PUM3: variants seen among roughly 807,000 people sequenced by gnomAD.
PUM3 encodes the protein pumilio RNA binding family member 3.
PUM3 carries 91 observed loss-of-function variants against 84.0 expected under a neutral mutation model. The ratio of observed to expected loss-of-function variants is 1.08; its 90% confidence interval spans 0.91 to 1.29. The LOEUF (loss-of-function observed/expected upper bound fraction) is 1.29. Ranked by LOEUF, PUM3 falls within the 50% of genes most tolerant of loss-of-function variation. The probability of loss-of-function intolerance (pLI) is 0.00; values close to 1 mark genes in which losing one functional copy is unlikely to be tolerated. For synonymous variants in PUM3, 321 were observed against 266.7 expected, an observed-to-expected ratio of 1.20 and a Z score of -1.98; for missense variants, 1,067 against 767.5, an observed-to-expected ratio of 1.39 and a Z score of -4.61.
rs539334786 is a variant in PUM3, at chr9:2,809,523, C to G, written c.1723+821G>C. Among the ~76,000 whole-genome samples, 5 of 152,260 alleles carry G rather than the reference C, an allele frequency of 3.3e-5. No homozygotes were observed. The South Asian group carries it at 1.0e-3, about 32-fold the overall frequency. ...TTCTTAAAGGTAAGGTGAGAAGTGA[C>G]AGCTCTACTGCTATACTGATTGCCA... On this transcript the variant is annotated intron_variant, in intron 16 of 17. Coordinates refer to ENST00000397885, the MANE Select transcript of PUM3 (RefSeq NM_014878.5).
At chr9:2,827,684 G>T (rs188489767) in intron 9 of PUM3, among the ~76,000 whole-genome samples, 1 of 152,178 alleles carries the variant, frequency 6.6e-6, no homozygotes. Flanking sequence ...GGAGGCCGAT[G>T]GTCAGGCATA....
intron 16 of PUM3, among the ~76,000 whole-genome samples, chr9:2,809,131 C>G (rs1563824863): frequency 6.6e-6 from 1 of 152,154 alleles, no homozygotes; most frequent in Non-Finnish European, 1.5e-5. Context: ...CATAGAGGGG[C>G]AGGCTCCACC....
chr9:2,823,520 C>T (rs903887990), intron 12 of PUM3, among the ~76,000 whole-genome samples: 1 of 151,900 alleles, frequency 6.6e-6, no homozygotes, highest in African/African-American at 2.4e-5. Context: ...TAGTAAATAT[C>T]AGGTTTTCAA....
At chr9:2,834,945 C>A (rs1400351398) in intron 3 of PUM3, among the ~76,000 whole-genome samples, 1 of 147,112 alleles carries the variant, frequency 6.8e-6, no homozygotes, top group Non-Finnish European at 1.5e-5. Context: ...GTATCTGGCA[C>A]AGAATCTTTT....
chr9:2,838,762 A>G (rs1816197901), intron 1 of PUM3, among the ~76,000 whole-genome samples: 1 of 152,226 alleles, frequency 6.6e-6, no homozygotes, highest in African/African-American at 2.4e-5. Flanking sequence ...CCAGTGTTTG[A>G]TATCTCTGGA....
At chr9:2,842,629 T>C (rs1302295145) in intron 1 of PUM3, among the ~76,000 whole-genome samples, 1 of 152,160 alleles carries the variant, frequency 6.6e-6, no homozygotes, top group Non-Finnish European at 1.5e-5. Context: ...CTCTCCACAC[T>C]TCTCCCTAGG....
intron 15 of PUM3, among the ~76,000 whole-genome samples, chr9:2,810,685 A>G (rs891458224): frequency 2.0e-5 from 3 of 152,230 alleles, no homozygotes; most frequent in African/African-American, 7.2e-5. Flanking sequence ...TCTCCGCTTC[A>G]TTTAATCTGC....
chr9:2,829,882 A>C lies in PUM3; in HGVS notation c.744T>G (p.His248Gln). The change falls in exon 8 of 18, where the codon CAT becomes CAG. Residue 248 changes from histidine (H) to glutamine (Q), a missense_variant. By Grantham distance (24) the His-to-Gln change is conservative. Transcript: ENST00000397885. ...ACTCCACGATGGCTGATGCTTCCGC[A>C]TGCCGCAGCATCTTCCTCACGTGGC... ...FKGHVRKMLR[H>Q]AEASAIVEYA... is the part of the protein sequence containing the mutation. The C allele has an allele frequency of 6.2e-7, 1 of 1,614,098 alleles. No individual in the cohort carries two copies. The highest frequency in any genetic ancestry group is 8.5e-7 in the Non-Finnish European group (1 of 1,179,940).
At position 2,828,841 on chromosome 9, in the gene PUM3, A is replaced by T. The variant is rs79292282; in HGVS notation, c.853-63T>A. The T allele has an allele frequency of 7.8e-3, 7,132 of 912,724 alleles. 224 individuals are homozygous for T. In the African/African-American group the frequency reaches 0.082, roughly 11 times the overall value. 56.5% of individuals were successfully genotyped at this position (912,724 alleles called of 1,614,324 possible). ...AATCAATTTTTTCACTTCAGGAAAAAGAAAAGTAATTAGTCATTTTAAAAT... is the reference window on the plus strand; with the variant it reads ...AATCAATTTTTTCACTTCAGGAAAATGAAAAGTAATTAGTCATTTTAAAAT... On this transcript the variant is annotated intron_variant, in intron 8 of 17. Transcript: ENST00000397885.
At chr9:2,823,334 T>TA (rs1190772395) in intron 12 of PUM3, among the ~76,000 whole-genome samples, 7 of 151,998 alleles carry the variant, frequency 4.6e-5, no homozygotes, top group East Asian at 1.9e-4. Context: ...AATTTATTCT[T>TA]AAAAAAAAGA....
At chr9:2,828,842 G>C in intron 8 of PUM3, 64 bp from the exon 9 acceptor site, 1 of 881,014 alleles carries the variant, frequency 1.1e-6, no homozygotes, top group South Asian at 1.4e-5. Flanking sequence ...TCAGGAAAAA[G>C]AAAAGTAATT....
intron 14 of PUM3, 74 bp from the exon 15 acceptor site, chr9:2,811,657 C>T: frequency 6.7e-6 from 7 of 1,041,568 alleles, no homozygotes; most frequent in Non-Finnish European, 1.0e-5. Flanking sequence ...ATCACAAAAA[C>T]CTCTAAGAGC....
intron 1 of PUM3, among the ~76,000 whole-genome samples, chr9:2,839,615 G>C (rs750407526): frequency 6.6e-6 from 1 of 152,154 alleles, no homozygotes; most frequent in Non-Finnish European, 1.5e-5. Flanking sequence ...AGACTTCCAA[G>C]GAGTACTCTG....
In PUM3 at chr9:2,828,141, G is replaced by A. The variant is rs1815873792; in HGVS notation, c.956+534C>T. On this transcript the variant is annotated intron_variant, in intron 9 of 17. Coordinates refer to ENST00000397885, the MANE Select transcript of PUM3 (RefSeq NM_014878.5). ...TGCAGCCATGACCTCCTGGGCTCCA[G>A]TGAGCCTCCTGCCTCTCAGCCTCCC... Among the ~76,000 whole-genome samples, 6 of 152,288 alleles carry A rather than the reference G, an allele frequency of 3.9e-5. No homozygotes were observed. The South Asian group carries it at 1.2e-3, about 32-fold the overall frequency.
At position 2,811,651 on chromosome 9, in the gene PUM3, C is replaced by T. The variant is rs1821377236; in HGVS notation, c.1413-68G>A. ...CAAAGGAAATGTGGTGATATTATCA[C>T]AAAAACCTCTAAGAGCTTATCACAG... On this transcript the variant is annotated intron_variant, in intron 14 of 17. Transcript: ENST00000397885. 4 of 1,148,902 alleles carry T rather than the reference C, an allele frequency of 3.5e-6. No individual in the cohort carries two copies. The South Asian group carries it at 5.3e-5, about 15-fold the overall frequency. The allele number at this position is 1,148,902 out of a possible 1,614,324, so 71.2% of individuals were successfully genotyped here.
At chr9:2,835,430 T>A (rs1816097416) in intron 3 of PUM3, among the ~76,000 whole-genome samples, 2 of 151,988 alleles carry the variant, frequency 1.3e-5, no homozygotes, top group Non-Finnish European at 2.9e-5. Context: ...AAGAAAAAAA[T>A]TCAGAATCTG....
intron 1 of PUM3, among the ~76,000 whole-genome samples, chr9:2,840,560 G>A (rs564411970): frequency 7.2e-5 from 11 of 152,038 alleles, no homozygotes; most frequent in Non-Finnish European, 1.6e-4. Flanking sequence ...CTTTTCTGTA[G>A]GGAAGACTTG....
In PUM3 at chr9:2,812,305, A is replaced by G. The variant is rs1358769111; in HGVS notation, c.1327T>C (p.Leu443=). The G allele has an allele frequency of 1.2e-6, 2 of 1,603,182 alleles. No individual in the cohort carries two copies. The highest frequency in any genetic ancestry group is 1.7e-5 in the Admixed American group (1 of 59,998). ...GGATCTCTGGGGCTTAGTAAGTACAATAGGACCTTCCTTCCATATTTGTCA... is the reference window on the plus strand; with the variant it reads ...GGATCTCTGGGGCTTAGTAAGTACAGTAGGACCTTCCTTCCATATTTGTCA... ...VNDKYGRKVL[L]YLLSPRDPAH... The change falls in exon 14 of 18, where the codon TTG becomes CTG. Residue 443 remains leucine, a synonymous_variant. Coordinates refer to ENST00000397885, the MANE Select transcript of PUM3 (RefSeq NM_014878.5).
At chr9:2,828,578 A>T (rs1400093257) in intron 9 of PUM3, 97 bp downstream of exon 9, 2 of 724,962 alleles carry the variant, frequency 2.8e-6, no homozygotes, top group Non-Finnish European at 4.8e-6. Context: ...TAATACTTGT[A>T]AGCAGGAAAT....
Sources: allele counts gnomAD v4.1 joint callset (sites outside exome capture counted in the v4.1 genomes callset), GRCh38; gene constraint gnomAD v4.1.1; transcripts MANE v1.5; gene names NCBI Gene and HGNC (gene_info 2026-07-23, HGNC 2026-07-21).